The following AQP9 variants were observed in gnomAD, a reference collection of about 807,000 sequenced individuals.
The protein encoded by AQP9 is aquaporin-9.
In AQP9, 19 loss-of-function variants were observed where a neutral mutation model predicts 23.8. The ratio of observed to expected loss-of-function variants is 0.80; its 90% CI spans 0.56 to 1.17. AQP9 has a LOEUF of 1.17. AQP9 is among the 50% of genes most tolerant of loss of function. The probability of loss-of-function intolerance (pLI) is 0.00; values close to 1 mark genes in which losing one functional copy is unlikely to be tolerated. For missense variants in AQP9, 413 were observed against 362.0 expected (o/e 1.14, Z -1.14); for synonymous variants, 153 against 131.5 (o/e 1.16, Z -1.12).
At chr15:58,144,116 T>A (rs1438420781) in intron 1 of AQP9, among the ~76,000 whole-genome samples, 1 of 152,252 alleles carries the variant, frequency 6.6e-6, no homozygotes, top group Non-Finnish European at 1.5e-5. Flanking sequence ...TTTAGGTGCC[T>A]CTTTTGTAAA....
chr15:58,138,372 A>T, upstream of AQP9: 1 of 503,138 alleles, frequency 2.0e-6, no homozygotes, highest in Non-Finnish European at 3.6e-6. Flanking sequence ...CGAACAGGGA[A>T]TGACAGTTCC....
At position 58,138,684 on chromosome 15, in the gene AQP9, T is replaced by G; in HGVS notation, c.111+8T>G. ...GGCACGTTCATCTTGATTGTAAGTA[T>G]TTCCTGATTTCCTACATTCAGACCC... On this transcript the variant is annotated splice_region_variant and intron_variant, in intron 1 of 5. Transcript: ENST00000219919. 4 of 1,611,418 alleles carry G rather than the reference T, an allele frequency of 2.5e-6. No homozygotes were observed. Among genetic ancestry groups the G allele is most frequent in the Middle Eastern group, 1.7e-4 (1 of 6,052 alleles).
At chr15:58,168,335 C>T (rs1898552831) in intron 2 of AQP9, among the ~76,000 whole-genome samples, 1 of 152,094 alleles carries the variant, frequency 6.6e-6, no homozygotes, top group Admixed American at 6.6e-5. Flanking sequence ...CCAGCCAACA[C>T]ATCCCCATTC....
intron 5 of AQP9, 25 bp downstream of exon 5, chr15:58,179,370 AG>A (rs1432869794): frequency 1.3e-6 from 2 of 1,588,462 alleles, no homozygotes; most frequent in South Asian, 2.3e-5. Context: ...TGGGGAAGAG[AG>A]AGACAGAGTC....
At position 58,138,488 on chromosome 15, in the gene AQP9, A is replaced by G. The variant is rs2140577604; in HGVS notation, c.-78A>G. On this transcript the variant is annotated 5_prime_UTR_variant, in exon 1 of 6. Coordinates refer to ENST00000219919, the MANE Select transcript of AQP9 (RefSeq NM_020980.5). ...TCTGTGAGCCATTGTCAAAACGTCC[A>G]TTTTCATCTGGCTGTGAAAGTGAGG... The G allele has an allele frequency of 8.4e-7, 1 of 1,186,930 alleles. No individual in the cohort carries two copies. Among genetic ancestry groups the G allele is most frequent in the Non-Finnish European group, 1.2e-6 (1 of 817,792 alleles). The allele number at this position is 1,186,930 out of a possible 1,614,324, so 73.5% of individuals were successfully genotyped here.
intron 1 of AQP9, among the ~76,000 whole-genome samples, chr15:58,146,342 T>C (rs1898043483): frequency 6.6e-6 from 1 of 152,152 alleles, no homozygotes; most frequent in Admixed American, 6.5e-5. Flanking sequence ...GTTTCAAATC[T>C]ATCTTTCAGT....
chr15:58,158,299 T>C (rs1447853413), intron 1 of AQP9, among the ~76,000 whole-genome samples: 5 of 152,154 alleles, frequency 3.3e-5, no homozygotes, highest in Non-Finnish European at 7.4e-5. Context: ...TTCCATCCAG[T>C]GTGTGACGGC....
intron 1 of AQP9, among the ~76,000 whole-genome samples, chr15:58,143,272 T>C (rs1341261664): frequency 6.6e-6 from 1 of 152,332 alleles, no homozygotes; most frequent in African/African-American, 2.4e-5. Context: ...TCTCCTTAGA[T>C]CCTTGCCTTG....
chr15:58,159,423 C>T (rs1898328413), intron 1 of AQP9, among the ~76,000 whole-genome samples: 1 of 152,066 alleles, frequency 6.6e-6, no homozygotes, highest in African/African-American at 2.4e-5. Context: ...GTACATGGGA[C>T]ATTTTAACAC....
At chr15:58,147,884 A>G (rs924153135) in intron 1 of AQP9, among the ~76,000 whole-genome samples, 2 of 141,262 alleles carry the variant, frequency 1.4e-5, no homozygotes, top group East Asian at 4.4e-4. Flanking sequence ...ACCTGTATAA[A>G]CACATGCACA....
At chr15:58,154,384 A>T (rs186820386) in intron 1 of AQP9, 1 of 152,062 alleles carries the variant, frequency 6.6e-6, no homozygotes, top group Non-Finnish European at 1.5e-5. Flanking sequence ...TCTAACTCTA[A>T]TCTTAATTAC....
intron 5 of AQP9, among the ~76,000 whole-genome samples, chr15:58,182,800 T>A (rs1481159283): frequency 6.6e-6 from 1 of 152,104 alleles, no homozygotes; most frequent in East Asian, 1.9e-4. Context: ...AATGGAGGAC[T>A]TCGGAGACCA....
At position 58,173,128 on chromosome 15, in the gene AQP9, T is replaced by C; in HGVS notation, c.299T>C (p.Phe100Ser). ...TGTCTCTTTGGACGGATGAAATGGT[T>C]CAAATTGCCATTTTATGTGGGAGCC... ...AMCLFGRMKWFKLPFYVGAQF... is the reference protein window; with the variant it reads ...AMCLFGRMKWSKLPFYVGAQF... The change falls in exon 3 of 6, where the codon TTC (phenylalanine) becomes TCC (serine). Residue 100 changes from phenylalanine to serine, a missense_variant. Transcript: ENST00000219919. 1 of 1,614,194 alleles carries C rather than the reference T, an allele frequency of 6.2e-7. No homozygotes were observed. Among genetic ancestry groups the C allele is most frequent in the African/African-American group, 1.3e-5 (1 of 75,056 alleles).
At chr15:58,180,025 C>T (rs759134416) in intron 5 of AQP9, among the ~76,000 whole-genome samples, 5 of 152,148 alleles carry the variant, frequency 3.3e-5, no homozygotes, top group Non-Finnish European at 7.3e-5. Flanking sequence ...TGAGCCTCTG[C>T]CCCAGAAATG....
In AQP9 at chr15:58,154,592, A is replaced by G. The variant is rs575577238; in HGVS notation, c.112-12081A>G. 2.0e-4 allele frequency among the ~76,000 whole-genome samples: 7 copies of G among 35,276 alleles called. No homozygotes were observed. In the South Asian group the frequency reaches 2.3e-3, roughly 11 times the overall value. 23.1% of individuals were successfully genotyped at this position (35,276 alleles called of 152,430 possible). ...AATTAATTATAATGACCATCCCATC[A>G]TACTCATTCACCAAATTAACACCAA... On this transcript the variant is annotated intron_variant, in intron 1 of 5. Transcript: ENST00000219919.
chr15:58,142,372 C>T (rs1412912376), intron 1 of AQP9, among the ~76,000 whole-genome samples: 1 of 152,182 alleles, frequency 6.6e-6, no homozygotes, highest in African/African-American at 2.4e-5. Flanking sequence ...AGAATTAACT[C>T]CTTTCATGTG....
At chr15:58,157,944 T>G (rs1269240301) in intron 1 of AQP9, among the ~76,000 whole-genome samples, 1 of 152,156 alleles carries the variant, frequency 6.6e-6, no homozygotes, top group Non-Finnish European at 1.5e-5. Flanking sequence ...GGCACAAGTG[T>G]TGTATATTTT....
At chr15:58,141,487 T>C (rs12440410) in intron 1 of AQP9, among the ~76,000 whole-genome samples, 10,367 of 152,268 alleles carry the variant, frequency 0.068, 536 homozygotes, top group Admixed American at 0.16. Flanking sequence ...ATGCAAGTAC[T>C]TCTGCTAAAA....
At chr15:58,146,382 T>C (rs932989065) in intron 1 of AQP9, among the ~76,000 whole-genome samples, 14 of 152,292 alleles carry the variant, frequency 9.2e-5, no homozygotes, top group African/African-American at 3.4e-4. Context: ...TTCTATCTAA[T>C]CTTCTGTTTA....
Sources: allele counts gnomAD v4.1 joint callset (sites outside exome capture counted in the v4.1 genomes callset), GRCh38; gene constraint gnomAD v4.1.1; transcripts MANE v1.5; gene names NCBI Gene and HGNC (gene_info 2026-07-23, HGNC 2026-07-21).